The following MAGI2 variants were observed in gnomAD, a reference collection of about 807,000 sequenced individuals.
MAGI2 encodes the protein membrane associated guanylate kinase, WW and PDZ domain containing 2.
Under a neutral mutation model 133.3 loss-of-function variants are expected in MAGI2, and 35 were observed. The observed-to-expected ratio is 0.26, with a 90% CI of 0.20 to 0.35. The LOEUF (loss-of-function observed/expected upper bound fraction) is 0.35. MAGI2 is among the 10% of genes least tolerant of loss of function. The pLI is 1.00. For synonymous variants in MAGI2, 729 were observed against 710.6 expected, an observed-to-expected ratio of 1.03 and a Z score of -0.41; for missense variants, 1,636 against 1,863.4, an observed-to-expected ratio of 0.88 and a Z score of 2.25.
At chr7:79,010,233 G>GTATA (rs888059053) in intron 1 of MAGI2, among the ~76,000 whole-genome samples, 9 of 4,896 alleles carry the variant, frequency 1.8e-3, no homozygotes, top group Admixed American at 4.3e-3. Flanking sequence ...TGATACATAT[G>GTATA]TATATGTATG....
chr7:78,260,154 G>A (rs1313286668), intron 9 of MAGI2, among the ~76,000 whole-genome samples: 1 of 152,148 alleles, frequency 6.6e-6, no homozygotes, highest in Non-Finnish European at 1.5e-5. Flanking sequence ...TAGATAATAA[G>A]TCATGCCCAA....
chr7:78,836,303 GT>G (rs1280237295), intron 2 of MAGI2, among the ~76,000 whole-genome samples: 1 of 152,136 alleles, frequency 6.6e-6, no homozygotes, highest in Non-Finnish European at 1.5e-5. Context: ...CTTGAACTGG[GT>G]TTTTAAACTC....
chr7:78,531,989 T>C (rs941433371), intron 3 of MAGI2, among the ~76,000 whole-genome samples: 1 of 152,178 alleles, frequency 6.6e-6, no homozygotes, highest in Non-Finnish European at 1.5e-5. Context: ...CATTTCTCCT[T>C]GAAGAATATG....
intron 3 of MAGI2, among the ~76,000 whole-genome samples, chr7:78,534,931 A>C (rs1224370851): frequency 6.6e-6 from 1 of 152,126 alleles, no homozygotes; most frequent in Non-Finnish European, 1.5e-5. Context: ...TCAGGAGTTC[A>C]AGACCAGCCT....
At chr7:78,118,335 G>C (rs967548509) in intron 20 of MAGI2, among the ~76,000 whole-genome samples, 1 of 152,072 alleles carries the variant, frequency 6.6e-6, no homozygotes, top group Non-Finnish European at 1.5e-5. Flanking sequence ...ATCTATGAAA[G>C]AAATAATTAG....
At chr7:79,436,352 G>C (rs1280738608) in intron 1 of MAGI2, among the ~76,000 whole-genome samples, 1 of 151,952 alleles carries the variant, frequency 6.6e-6, no homozygotes, top group Non-Finnish European at 1.5e-5. Flanking sequence ...ATTGACAAGT[G>C]GGACCTAAGT....
Position 78,527,961 on chromosome 7 carries a change from C to T in MAGI2, c.539-6316G>A, listed in dbSNP as rs145671736. 8.0e-3 allele frequency among the ~76,000 whole-genome samples: 1,209 copies of T among 150,830 alleles called. 6 individuals are homozygous for T. The highest frequency in any genetic ancestry group is 0.013 in the Non-Finnish European group (881 of 67,878). ...GATACCACACAGATTAAGGTCATGA[C>T]TTCTATTCCTCCCCAATATTCTCAG... On this transcript the variant is annotated intron_variant, in intron 3 of 21. Coordinates refer to ENST00000354212, the MANE Select transcript of MAGI2 (RefSeq NM_012301.4).
intron 2 of MAGI2, among the ~76,000 whole-genome samples, chr7:78,631,488 C>A (rs1305722262): frequency 6.6e-6 from 1 of 152,112 alleles, no homozygotes; most frequent in Non-Finnish European, 1.5e-5. Context: ...CATTTCCTCT[C>A]TAAAGGCTTA....
intron 1 of MAGI2, chr7:79,008,970 G>A (rs185939293): frequency 3.9e-5 from 6 of 151,962 alleles, no homozygotes; most frequent in South Asian, 2.1e-4. Context: ...CATTTCTGCC[G>A]GATTCTAAGG....
At chr7:78,077,725 G>GTTTTTT (rs538030969) in intron 21 of MAGI2, among the ~76,000 whole-genome samples, 2,330 of 101,150 alleles carry the variant, frequency 0.023, 270 homozygotes, top group African/African-American at 0.063. Context: ...TCTTTAGAAT[G>GTTTTTT]TTTTTTTTTT....
At chr7:79,043,020 T>G (rs1276626159) in intron 1 of MAGI2, among the ~76,000 whole-genome samples, 2 of 152,044 alleles carry the variant, frequency 1.3e-5, no homozygotes, top group African/African-American at 4.8e-5. Flanking sequence ...AATCAATAAA[T>G]TATTTGAAAC....
chr7:78,264,951 C>T (rs1793853439), intron 9 of MAGI2, among the ~76,000 whole-genome samples: 1 of 152,136 alleles, frequency 6.6e-6, no homozygotes, highest in Non-Finnish European at 1.5e-5. Flanking sequence ...CTCCAACACT[C>T]TTATCTATAG....
intron 9 of MAGI2, among the ~76,000 whole-genome samples, chr7:78,316,705 A>G (rs943105319): frequency 6.6e-6 from 1 of 152,236 alleles, no homozygotes; most frequent in African/African-American, 2.4e-5. Context: ...AGAGTCAACT[A>G]AGGTGAAGAA....
chr7:78,589,578 C>T (rs181848343), intron 3 of MAGI2, among the ~76,000 whole-genome samples: 10 of 152,206 alleles, frequency 6.6e-5, no homozygotes, highest in African/African-American at 1.9e-4. Flanking sequence ...ACCCTAATTC[C>T]GTGAGTGAGA....
intron 7 of MAGI2, among the ~76,000 whole-genome samples, chr7:78,352,134 T>C (rs1276374731): frequency 1.3e-5 from 2 of 152,186 alleles, no homozygotes; most frequent in Non-Finnish European, 2.9e-5. Context: ...ATGCTAACTA[T>C]CATCATTCAT....
At chr7:78,964,022 A>G (rs1803092372) in intron 2 of MAGI2, among the ~76,000 whole-genome samples, 1 of 151,906 alleles carries the variant, frequency 6.6e-6, no homozygotes, top group Non-Finnish European at 1.5e-5. Context: ...CAAAATCCTA[A>G]TTTTGCTTGT....
At chr7:79,173,211 T>A (rs1051272822) in intron 1 of MAGI2, among the ~76,000 whole-genome samples, 1 of 152,066 alleles carries the variant, frequency 6.6e-6, no homozygotes, top group Non-Finnish European at 1.5e-5. Flanking sequence ...CTAATAAATA[T>A]GAGGTCTTTC....
chr7:78,694,388 T>A (rs1817282247), intron 2 of MAGI2, among the ~76,000 whole-genome samples: 1 of 152,176 alleles, frequency 6.6e-6, no homozygotes, highest in African/African-American at 2.4e-5. Flanking sequence ...ATCGCTCTCA[T>A]GAGTTCTTCT....
At chr7:79,140,085 C>T (rs927525625) in intron 1 of MAGI2, among the ~76,000 whole-genome samples, 2 of 152,140 alleles carry the variant, frequency 1.3e-5, no homozygotes, top group Non-Finnish European at 2.9e-5. Context: ...CTTTAGCCTT[C>T]GAGACCATTA....
Sources: allele counts gnomAD v4.1 joint callset (sites outside exome capture counted in the v4.1 genomes callset), GRCh38; gene constraint gnomAD v4.1.1; transcripts MANE v1.5; gene names NCBI Gene and HGNC (gene_info 2026-07-23, HGNC 2026-07-21).